PRDM5: variants seen among roughly 807,000 people sequenced by gnomAD.
PRDM5 encodes PR/SET domain 5, also known as PR domain zinc finger protein 5.
Under a neutral mutation model 81.2 loss-of-function variants are expected in PRDM5, and 56 were observed. The ratio of observed to expected loss-of-function variants is 0.69; its 90% confidence interval spans 0.56 to 0.86. PRDM5 has a LOEUF of 0.86. Ranked by LOEUF, PRDM5 falls within the 40% of genes least tolerant of loss-of-function variation. The probability of loss-of-function intolerance (pLI) is 0.00; values close to 1 mark genes in which losing one functional copy is unlikely to be tolerated. For synonymous variants in PRDM5, 267 were observed against 256.4 expected, an observed-to-expected ratio of 1.04 and a Z score of -0.39; for missense variants, 697 against 770.1, an observed-to-expected ratio of 0.91 and a Z score of 1.12.
chr4:120,908,856 C>T (rs913849142), intron 1 of PRDM5, among the ~76,000 whole-genome samples: 1 of 152,204 alleles, frequency 6.6e-6, no homozygotes, highest in African/African-American at 2.4e-5. Context: ...GCTTCACAAT[C>T]CTCTCATGCC....
intron 2 of PRDM5, among the ~76,000 whole-genome samples, chr4:120,891,403 C>T (rs536171237): frequency 6.6e-6 from 1 of 152,054 alleles, no homozygotes; most frequent in Admixed American, 6.6e-5. Flanking sequence ...TCTGATTGTG[C>T]TAATTTAAAT....
intron 14 of PRDM5, among the ~76,000 whole-genome samples, chr4:120,741,008 C>G (rs919541972): frequency 2.0e-5 from 3 of 152,140 alleles, no homozygotes; most frequent in African/African-American, 7.2e-5. Context: ...CTGGCCTGCC[C>G]TCTACCATAC....
At chr4:120,685,592 T>A (rs949273934) in intron 1 of PRDM5, among the ~76,000 whole-genome samples, 1 of 152,092 alleles carries the variant, frequency 6.6e-6, no homozygotes, top group African/African-American at 2.4e-5. Flanking sequence ...AAGCAGCATA[T>A]ATAGGTGAAA....
intron 2 of PRDM5, among the ~76,000 whole-genome samples, chr4:120,888,611 T>C (rs1763720651): frequency 6.6e-6 from 1 of 152,212 alleles, no homozygotes; most frequent in Non-Finnish European, 1.5e-5. Context: ...GTGTTCTAGT[T>C]AATATCTGTC....
intron 2 of PRDM5, among the ~76,000 whole-genome samples, chr4:120,901,094 T>C (rs1230495170): frequency 2.6e-5 from 4 of 152,204 alleles, no homozygotes; most frequent in Admixed American, 2.0e-4. Context: ...TTTTTGTTTT[T>C]ATTTCAGTAG....
intron 14 of PRDM5, among the ~76,000 whole-genome samples, chr4:120,732,151 A>G (rs1740356750): frequency 6.6e-6 from 1 of 152,202 alleles, no homozygotes; most frequent in African/African-American, 2.4e-5. Context: ...AAAGACTGGT[A>G]GCTGAACATA....
chr4:120,718,646 A>C (rs894423676), intron 14 of PRDM5, among the ~76,000 whole-genome samples: 2 of 152,194 alleles, frequency 1.3e-5, no homozygotes, highest in African/African-American at 4.8e-5. Flanking sequence ...AAATGTTAAA[A>C]ACAAAGGTTC....
intron 11 of PRDM5, 43 bp downstream of exon 11, chr4:120,784,955 G>C (rs1481876863): frequency 6.9e-7 from 1 of 1,448,216 alleles, no homozygotes; most frequent in Non-Finnish European, 9.7e-7. Context: ...AACAAAGTAT[G>C]AGATAATTCC....
At chr4:120,885,245 G>A (rs1763313276) in intron 2 of PRDM5, among the ~76,000 whole-genome samples, 1 of 151,576 alleles carries the variant, frequency 6.6e-6, no homozygotes, top group Non-Finnish European at 1.5e-5. Flanking sequence ...TCTTCAAAAG[G>A]TACCCCTATT....
In PRDM5 at chr4:120,710,296, A is replaced by C. The variant is rs771011032; in HGVS notation, c.1728+13T>G. 15 of 1,612,166 alleles carry C rather than the reference A, an allele frequency of 9.3e-6. No homozygotes were observed. Among genetic ancestry groups the C allele is most frequent in the Non-Finnish European group, 1.1e-5 (13 of 1,178,796 alleles). Reference sequence around the variant, plus strand: ...ATTGGAAGACACTATGGGGGAAAAAAATCCAAACTCACATCACACTGAAAA... The same window carrying C: ...ATTGGAAGACACTATGGGGGAAAAACATCCAAACTCACATCACACTGAAAA... On this transcript the variant is annotated intron_variant, in intron 15 of 15. Coordinates refer to ENST00000264808, the MANE Select transcript of PRDM5 (RefSeq NM_018699.4).
Position 120,781,169 on chromosome 4 carries a change from G to A in PRDM5, c.1417C>T (p.Pro473Ser). The A allele has an allele frequency of 6.2e-7, 1 of 1,613,218 alleles. No individual in the cohort carries two copies. Among genetic ancestry groups the A allele is most frequent in the Non-Finnish European group, 8.5e-7 (1 of 1,179,440 alleles). Residue 473 changes from proline (P) to serine (S), a missense_variant, in exon 12 of 16, where the codon CCT (proline) becomes TCT (serine). Transcript: ENST00000264808. Reference protein sequence around the residue: ...CELCNKAFVTPSVLRSHKKTH... With the variant: ...CELCNKAFVTSSVLRSHKKTH... ...TTCTTATGACTTCTAAGCACTGAAGGTGTAACAAAGGCCTTATTACATAGC... is the reference window on the plus strand; with the variant it reads ...TTCTTATGACTTCTAAGCACTGAAGATGTAACAAAGGCCTTATTACATAGC...
chr4:120,770,433 T>G (rs1456594623), intron 13 of PRDM5, among the ~76,000 whole-genome samples: 1 of 151,554 alleles, frequency 6.6e-6, no homozygotes, highest in Non-Finnish European at 1.5e-5. Flanking sequence ...TATTAACATT[T>G]CACCAAATTT....
intron 14 of PRDM5, among the ~76,000 whole-genome samples, chr4:120,722,671 G>A (rs1738803533): frequency 6.6e-6 from 1 of 152,142 alleles, no homozygotes; most frequent in South Asian, 2.1e-4. Flanking sequence ...CGCATTTGGG[G>A]ACTGATGGGC....
At chr4:120,867,440 T>C (rs889146042) in intron 2 of PRDM5, among the ~76,000 whole-genome samples, 3 of 152,206 alleles carry the variant, frequency 2.0e-5, no homozygotes, top group Non-Finnish European at 4.4e-5. Flanking sequence ...TTAAATTATA[T>C]ATTTTTTTCA....
intron 2 of PRDM5, among the ~76,000 whole-genome samples, chr4:120,855,332 A>G (rs1322495721): frequency 6.6e-6 from 1 of 152,234 alleles, no homozygotes; most frequent in East Asian, 1.9e-4. Flanking sequence ...AGAGCAATTT[A>G]GGACTATAAA....
intron 10 of PRDM5, among the ~76,000 whole-genome samples, chr4:120,789,650 G>C (rs151131475): frequency 0.016 from 2,386 of 152,198 alleles, 31 homozygotes; most frequent in South Asian, 0.027. Context: ...ACACAATAAA[G>C]CTAAAGCTAC....
At chr4:120,790,357 G>A (rs1750386797) in intron 10 of PRDM5, among the ~76,000 whole-genome samples, 1 of 152,182 alleles carries the variant, frequency 6.6e-6, no homozygotes, top group African/African-American at 2.4e-5. Context: ...TACACCTGTA[G>A]CTTCACTCAT....
intron 3 of PRDM5, among the ~76,000 whole-genome samples, chr4:120,821,758 C>T (rs542004296): frequency 6.8e-6 from 1 of 147,736 alleles, no homozygotes. Flanking sequence ...AAAAAAAAAG[C>T]CTTTCAAGTT....
intron 14 of PRDM5, among the ~76,000 whole-genome samples, chr4:120,719,818 G>A (rs1409063370): frequency 6.6e-6 from 1 of 152,050 alleles, no homozygotes; most frequent in African/African-American, 2.4e-5. Context: ...AGTTAAATTT[G>A]TTTTTCTAAA....
Sources: allele counts gnomAD v4.1 joint callset (sites outside exome capture counted in the v4.1 genomes callset), GRCh38; gene constraint gnomAD v4.1.1; transcripts MANE v1.5; gene names NCBI Gene and HGNC (gene_info 2026-07-23, HGNC 2026-07-21).